MSH3: variants seen among roughly 807,000 people sequenced by gnomAD.
MSH3 encodes mutS homolog 3.
Under a neutral mutation model 123.3 loss-of-function variants are expected in MSH3, and 106 were observed. That is an observed-to-expected ratio of 0.86 (90% CI 0.73 to 1.01). The LOEUF (loss-of-function observed/expected upper bound fraction) is 1.01. Ranked by LOEUF, MSH3 falls within the 50% of genes least tolerant of loss-of-function variation. The pLI, the probability that MSH3 is intolerant of heterozygous loss-of-function variation, is 0.00. For missense variants in MSH3, 1,459 were observed against 1,347.6 expected, an observed-to-expected ratio of 1.08 and a Z score of -1.29; for synonymous variants, 515 against 481.4, an observed-to-expected ratio of 1.07 and a Z score of -0.91.
At chr5:80,718,761 T>C (rs1352194244) in intron 8 of MSH3, among the ~76,000 whole-genome samples, 1 of 152,112 alleles carries the variant, frequency 6.6e-6, no homozygotes, top group Admixed American at 6.5e-5. Flanking sequence ...TACTCAGTAG[T>C]GATGAACAAG....
At position 80,705,108 on chromosome 5, in the gene MSH3, T is replaced by C. The variant is rs76750458; in HGVS notation, c.1341-20345T>C. Among the ~76,000 whole-genome samples the C allele has an allele frequency of 1.4e-3, 217 of 152,378 alleles. 1 individual carries two copies. The highest frequency in any genetic ancestry group is 5.1e-3 in the African/African-American group (211 of 41,588). ...TACAGTGCATGAAACATAGTGCTCA[T>C]TAAATATTACCTCCTGTTATTCATT... is the stretch of plus-strand genomic sequence containing the variant. On this transcript the variant is annotated intron_variant, in intron 8 of 23. Coordinates refer to ENST00000265081, the MANE Select transcript of MSH3 (RefSeq NM_002439.5).
chr5:80,762,840 G>GTTATT (rs1298690465), intron 13 of MSH3, among the ~76,000 whole-genome samples: 9 of 130,194 alleles, frequency 6.9e-5, no homozygotes, highest in Non-Finnish European at 8.4e-5. Flanking sequence ...GTTATTTTAT[G>GTTATT]TTATTTTATT....
At chr5:80,722,840 C>G (rs1173672791) in intron 8 of MSH3, among the ~76,000 whole-genome samples, 1 of 152,188 alleles carries the variant, frequency 6.6e-6, no homozygotes, top group African/African-American at 2.4e-5. Context: ...CGCAATGGCT[C>G]ACGCCCATAA....
chr5:80,733,129 A>T (rs1304868512), intron 10 of MSH3, among the ~76,000 whole-genome samples: 1 of 152,190 alleles, frequency 6.6e-6, no homozygotes, highest in African/African-American at 2.4e-5. Flanking sequence ...TGGAATTGGC[A>T]TAAGCACAGA....
At chr5:80,849,921 A>G (rs1259534117) in intron 20 of MSH3, among the ~76,000 whole-genome samples, 3 of 152,178 alleles carry the variant, frequency 2.0e-5, no homozygotes, top group African/African-American at 7.2e-5. Context: ...GTCAGGCTGC[A>G]AATTTTCCAA....
Position 80,654,921 on chromosome 5 carries a change from C to T in MSH3, c.194C>T (p.Ala65Val), listed in dbSNP as rs1210674651. ...GCCGCAGCGGCCGCAGCGCCCCCAGCGCCCCCAGCTCCCGCCTTCCCGCCC... is the reference window on the plus strand; with the variant it reads ...GCCGCAGCGGCCGCAGCGCCCCCAGTGCCCCCAGCTCCCGCCTTCCCGCCC... ...AAAAAAAAPP[A>V]PPAPAFPPQL... Residue 65 changes from alanine to valine, a missense_variant, in exon 1 of 24, where the codon GCG (alanine) becomes GTG (valine). Transcript: ENST00000265081. The T allele has an allele frequency of 4.6e-6, 7 of 1,519,392 alleles. No homozygotes were observed. The highest frequency in any genetic ancestry group is 1.5e-5 in the African/African-American group (1 of 65,964). The allele number at this position is 1,519,392 out of a possible 1,614,324, so 94.1% of individuals were successfully genotyped here.
intron 12 of MSH3, among the ~76,000 whole-genome samples, chr5:80,759,658 A>G (rs1348065944): frequency 6.6e-6 from 1 of 152,180 alleles, no homozygotes; most frequent in African/African-American, 2.4e-5. Context: ...GTGTGACATG[A>G]ACAGATTTGG....
intron 16 of MSH3, among the ~76,000 whole-genome samples, chr5:80,776,751 G>T (rs1047670096): frequency 6.6e-6 from 1 of 151,306 alleles, no homozygotes; most frequent in Non-Finnish European, 1.5e-5. Context: ...GATGAAAATG[G>T]TACATTTGCC....
At position 80,678,039 on chromosome 5, in the gene MSH3, A is replaced by G. The variant is rs540867166; in HGVS notation, c.1174-888A>G. Among the ~76,000 whole-genome samples, 16 of 152,310 alleles carry G rather than the reference A, an allele frequency of 1.1e-4. 1 individual carries two copies. The South Asian group carries it at 2.3e-3, about 22-fold the overall frequency. On this transcript the variant is annotated intron_variant, in intron 7 of 23. Transcript: ENST00000265081. Reference sequence around the variant, plus strand: ...TGAATTATAGGGTGTGGATACTTCAACATTCCTAGATAATGCCTTGCTGTT... The same window carrying G: ...TGAATTATAGGGTGTGGATACTTCAGCATTCCTAGATAATGCCTTGCTGTT...
At chr5:80,790,021 C>G (rs988747226) in intron 18 of MSH3, among the ~76,000 whole-genome samples, 3 of 152,180 alleles carry the variant, frequency 2.0e-5, no homozygotes, top group African/African-American at 7.2e-5. Context: ...AACAAGTTAA[C>G]TTTCATATCC....
intron 12 of MSH3, among the ~76,000 whole-genome samples, chr5:80,748,399 GATTCAA>G (rs1180889905): frequency 2.6e-5 from 4 of 152,074 alleles, no homozygotes; most frequent in Admixed American, 6.6e-5. Context: ...CTTATTGACT[GATTCAA>G]AGAGTTCACT....
intron 2 of MSH3, among the ~76,000 whole-genome samples, chr5:80,657,370 G>T (rs544498954): frequency 2.0e-5 from 3 of 152,300 alleles, no homozygotes; most frequent in African/African-American, 7.2e-5. Flanking sequence ...GAGCCCAGGA[G>T]GCGGAGGTTG....
intron 20 of MSH3, among the ~76,000 whole-genome samples, chr5:80,821,950 C>T (rs1288510608): frequency 5.3e-5 from 8 of 152,302 alleles, no homozygotes; most frequent in Admixed American, 2.6e-4. Context: ...TGTCTTCTGC[C>T]GTTATCTGTG....
chr5:80,852,510 T>G (rs1287450912), intron 20 of MSH3, among the ~76,000 whole-genome samples: 1 of 152,224 alleles, frequency 6.6e-6, no homozygotes, highest in Non-Finnish European at 1.5e-5. Context: ...TGAACCATTG[T>G]GATTCTGAAG....
At chr5:80,709,660 C>A (rs1750806547) in intron 8 of MSH3, among the ~76,000 whole-genome samples, 1 of 152,136 alleles carries the variant, frequency 6.6e-6, no homozygotes, top group Admixed American at 6.5e-5. Context: ...TTTTTAACAA[C>A]TTTTGTTAAT....
intron 11 of MSH3, among the ~76,000 whole-genome samples, chr5:80,742,300 G>A (rs1743631722): frequency 6.6e-6 from 1 of 152,170 alleles, no homozygotes; most frequent in African/African-American, 2.4e-5. Flanking sequence ...GTAAGCAAAC[G>A]CACCTGGCCT....
chr5:80,756,217 G>A (rs753619723), intron 12 of MSH3, among the ~76,000 whole-genome samples: 1 of 151,946 alleles, frequency 6.6e-6, no homozygotes, highest in Non-Finnish European at 1.5e-5. Context: ...ACTTAAATAA[G>A]AATGGATCTT....
chr5:80,790,683 A>G (rs964933703), intron 18 of MSH3, among the ~76,000 whole-genome samples: 14 of 152,202 alleles, frequency 9.2e-5, no homozygotes, highest in African/African-American at 1.9e-4. Flanking sequence ...CCAAGAAGGT[A>G]TAAAAGAAGA....
chr5:80,865,425 T>C (rs1167865315), intron 22 of MSH3, among the ~76,000 whole-genome samples: 1 of 152,172 alleles, frequency 6.6e-6, no homozygotes, highest in Non-Finnish European at 1.5e-5. Flanking sequence ...ACAGGTAAAG[T>C]GGTTTGACCA....
Sources: allele counts gnomAD v4.1 joint callset (sites outside exome capture counted in the v4.1 genomes callset), GRCh38; gene constraint gnomAD v4.1.1; transcripts MANE v1.5; gene names NCBI Gene and HGNC (gene_info 2026-07-23, HGNC 2026-07-21).